Variants in PDE1B observed in about 807,000 individuals in gnomAD.
PDE1B encodes dual specificity calcium/calmodulin-dependent 3',5'-cyclic nucleotide phosphodiesterase 1B.
Under a neutral mutation model 66.7 loss-of-function variants are expected in PDE1B, and 13 were observed. The observed-to-expected ratio is 0.19, with a 90% CI of 0.13 to 0.31. The LOEUF (loss-of-function observed/expected upper bound fraction) is 0.31, where lower values mean the gene tolerates loss of function less well. PDE1B is among the 10% of genes least tolerant of loss of function. PDE1B has a pLI of 1.00. For missense variants in PDE1B, 485 were observed against 682.3 expected, an observed-to-expected ratio of 0.71 and a Z score of 3.22; for synonymous variants, 230 against 253.9, an observed-to-expected ratio of 0.91 and a Z score of 0.90.
Position 54,572,562 on chromosome 12 carries a change from G to T in PDE1B, c.595-39G>T, listed in dbSNP as rs370422970. The T allele has an allele frequency of 9.4e-6, 15 of 1,597,744 alleles. No individual in the cohort carries two copies. In the African/African-American group the frequency reaches 1.7e-4, roughly 19 times the overall value. The stretch of plus-strand genomic sequence containing the variant: ...GTCCGTAATCACCACCATTCCTGTG[G>T]ATCCTTGATATATCTCCATTTCCCC... On this transcript the variant is annotated intron_variant, in intron 6 of 15. Coordinates refer to ENST00000243052, the MANE Select transcript of PDE1B (RefSeq NM_000924.4).
In PDE1B at chr12:54,575,068, C is replaced by A; in HGVS notation, c.1065-30C>A. The A allele has an allele frequency of 6.2e-7, 1 of 1,604,392 alleles. No homozygotes were observed. The highest frequency in any genetic ancestry group is 8.5e-7 in the Non-Finnish European group (1 of 1,173,258). ...AACTTCCTTTTCCTAAAAGATCAGT[C>A]TCCCTTCCCTTGCCATCTGCCCCAA... On this transcript the variant is annotated intron_variant, in intron 10 of 15. Transcript: ENST00000243052. This position sits in a 1 kb window ranked among gnomAD's most constrained non-coding sequence, Gnocchi z 4.0.
chr12:54,570,704 GGGACTA>G (rs1180721314), intron 6 of PDE1B: 2 of 228,140 alleles, frequency 8.8e-6, no homozygotes, highest in East Asian at 1.9e-4. Context: ...AGTGCCCTTT[GGGACTA>G]GAAACCATGT....
Position 54,572,609 on chromosome 12 carries a change from T to C in PDE1B, c.603T>C (p.Thr201=), listed in dbSNP as rs770557756. The part of the protein sequence containing the change: ...HNLISRFKIP[T]VFLMSFLDAL... ...CCCCTAACTCCCCGCAGATTCCCAC[T>C]GTGTTTTTGATGAGTTTCCTGGATG... Residue 201 remains threonine (T), a synonymous_variant, in exon 7 of 16, where the codon ACT becomes ACC. Transcript: ENST00000243052. 6.2e-7 allele frequency: 1 copy of C among 1,613,946 alleles called. No individual in the cohort carries two copies. Among genetic ancestry groups the C allele is most frequent in the Non-Finnish European group, 8.5e-7 (1 of 1,179,816 alleles).
chr12:54,556,625 G>A (rs1957344680), intron 2 of PDE1B, among the ~76,000 whole-genome samples: 1 of 152,206 alleles, frequency 6.6e-6, no homozygotes, highest in African/African-American at 2.4e-5. Flanking sequence ...AGAGAGGAAG[G>A]CTTGGTGGGA....
chr12:54,564,800 G>T (rs1301690904), intron 2 of PDE1B, among the ~76,000 whole-genome samples: 1 of 152,150 alleles, frequency 6.6e-6, no homozygotes, highest in East Asian at 1.9e-4. Context: ...AAAAAGCACC[G>T]ATTAAGAGTT....
chr12:54,572,171 T>A (rs1957628155), intron 6 of PDE1B: 1 of 163,896 alleles, frequency 6.1e-6, no homozygotes, highest in African/African-American at 2.4e-5. Flanking sequence ...CTAGGTCATC[T>A]TCTTCATTCC....
chr12:54,576,319 A>T (rs1957744696), intron 13 of PDE1B: 2 of 605,944 alleles, frequency 3.3e-6, no homozygotes, highest in Non-Finnish European at 5.8e-6. Flanking sequence ...TGTTTCTTCC[A>T]TTAGCTGTCT....
chr12:54,571,664 C>T (rs1400008926), intron 6 of PDE1B: 2 of 152,236 alleles, frequency 1.3e-5, no homozygotes, highest in African/African-American at 2.4e-5. Context: ...CATTCTTTTC[C>T]TGGGCACCTA....
At chr12:54,567,751 A>T (rs995323296) in intron 3 of PDE1B, among the ~76,000 whole-genome samples, 1 of 152,092 alleles carries the variant, frequency 6.6e-6, no homozygotes, top group Non-Finnish European at 1.5e-5. Flanking sequence ...CTGGGTGGCT[A>T]TTGAGCACCT....
intron 2 of PDE1B, chr12:54,550,261 C>T: frequency 7.5e-7 from 1 of 1,324,978 alleles, no homozygotes; most frequent in South Asian, 1.7e-5. Context: ...CGCCTAGAGG[C>T]AGCACAGTAT....
chr12:54,553,687 G>A (rs1957307889), intron 2 of PDE1B, among the ~76,000 whole-genome samples: 1 of 152,174 alleles, frequency 6.6e-6, no homozygotes, highest in Non-Finnish European at 1.5e-5. Context: ...TTGAGTGGCG[G>A]GGGGAGGAGT....
rs1409715641 is a variant in PDE1B, at chr12:54,565,444, C to CT, written c.114-1527dup. Among the ~76,000 whole-genome samples the CT allele has an allele frequency of 2.0e-5, 3 of 152,210 alleles. No individual in the cohort carries two copies. The East Asian group carries it at 5.8e-4, about 29-fold the overall frequency. ...TCTGGGAGACACTGGCTCATAGCCCCTTTCCAGCTCATTTAGCTGGGAAAG... is the reference window on the plus strand; with the variant it reads ...TCTGGGAGACACTGGCTCATAGCCCCTTTTCCAGCTCATTTAGCTGGGAAAG... On this transcript the variant is annotated intron_variant, in intron 2 of 15. Coordinates refer to ENST00000243052, the MANE Select transcript of PDE1B (RefSeq NM_000924.4).
intron 2 of PDE1B, chr12:54,561,694 G>A (rs1424959077): frequency 7.8e-7 from 1 of 1,276,428 alleles, no homozygotes; most frequent in African/African-American, 1.5e-5. Flanking sequence ...GGTTGCTCAT[G>A]GATCCACCAG....
At chr12:54,550,406 G>T (rs1261963272) in intron 2 of PDE1B, among the ~76,000 whole-genome samples, 1 of 152,248 alleles carries the variant, frequency 6.6e-6, no homozygotes, top group Non-Finnish European at 1.5e-5. Flanking sequence ...GAGGTATGTG[G>T]AGTGATTGCA....
chr12:54,566,058 A>G (rs1957509357), intron 2 of PDE1B, among the ~76,000 whole-genome samples: 2 of 152,216 alleles, frequency 1.3e-5, no homozygotes, highest in Admixed American at 6.5e-5. Flanking sequence ...CATTAAAATC[A>G]CCATCTGAAG....
At chr12:54,557,330 T>C (rs1957354528) in intron 2 of PDE1B, among the ~76,000 whole-genome samples, 2 of 152,192 alleles carry the variant, frequency 1.3e-5, no homozygotes, top group Admixed American at 1.3e-4. Context: ...CAGGAGAACT[T>C]CCTGGAAAGT....
intron 2 of PDE1B, among the ~76,000 whole-genome samples, chr12:54,554,807 G>A (rs1451450171): frequency 6.6e-6 from 1 of 152,154 alleles, no homozygotes; most frequent in Non-Finnish European, 1.5e-5. Flanking sequence ...CTGAGTCTCA[G>A]TTCTTCATTT....
At chr12:54,560,073 C>A (rs1957386300) in intron 2 of PDE1B, among the ~76,000 whole-genome samples, 5 of 152,074 alleles carry the variant, frequency 3.3e-5, no homozygotes, top group African/African-American at 1.2e-4. Context: ...GAGTGGGTTT[C>A]TTCCCTCCCA....
intron 2 of PDE1B, among the ~76,000 whole-genome samples, chr12:54,558,021 G>A (rs909419524): frequency 6.6e-6 from 1 of 152,014 alleles, no homozygotes; most frequent in Non-Finnish European, 1.5e-5. Flanking sequence ...GTTCTTATTG[G>A]TCTGGGCTGA....
Sources: gnomAD v4.1 joint callset for allele counts (sites outside exome capture counted in the v4.1 genomes callset) on GRCh38, gnomAD v4.1.1 for gene constraint, Gnocchi (gnomAD v3.1) non-coding constraint, MANE v1.5 for transcripts, NCBI Gene and HGNC (gene_info 2026-07-23, HGNC 2026-07-21) for gene names.